The following FLRT2 variants were observed in gnomAD, a reference collection of about 807,000 sequenced individuals.
FLRT2 encodes the protein fibronectin leucine rich transmembrane protein 2, also known as leucine-rich repeat transmembrane protein FLRT2.
FLRT2 carries 15 observed loss-of-function variants against 40.0 expected under a neutral mutation model. The ratio of observed to expected loss-of-function variants is 0.38; its 90% CI spans 0.25 to 0.58. The LOEUF (loss-of-function observed/expected upper bound fraction) is 0.58, where lower values mean the gene tolerates loss of function less well. Ranked by LOEUF, FLRT2 falls within the 20% of genes least tolerant of loss-of-function variation. FLRT2 has a pLI of 0.71. For synonymous variants in FLRT2, 380 were observed against 336.8 expected, an observed-to-expected ratio of 1.13 and a Z score of -1.41; for missense variants, 726 against 840.0, an observed-to-expected ratio of 0.86 and a Z score of 1.68.
At chr14:85,592,919 A>G (rs142461205) in intron 1 of FLRT2, among the ~76,000 whole-genome samples, 61 of 152,222 alleles carry the variant, frequency 4.0e-4, no homozygotes, top group Admixed American at 1.6e-3. Context: ...TGTTGGCTCC[A>G]TGTGCACAGG....
At chr14:85,530,619 AT>A (rs5810256) in intron 1 of FLRT2, 85 bp downstream of exon 1, 73,827 of 148,866 alleles carry the variant, frequency 0.5, 18,377 homozygotes, top group Non-Finnish European at 0.53. Flanking sequence ...TCTTCGGGGG[AT>A]TTTTTTTTTT....
At chr14:85,597,480 A>G (rs1377007449) in intron 1 of FLRT2, among the ~76,000 whole-genome samples, 2 of 152,098 alleles carry the variant, frequency 1.3e-5, no homozygotes, top group Admixed American at 6.6e-5. Flanking sequence ...AAAGTCTGTG[A>G]GCTTATTTTT....
intron 1 of FLRT2, among the ~76,000 whole-genome samples, chr14:85,612,447 C>A (rs1343937922): frequency 2.6e-5 from 4 of 152,154 alleles, no homozygotes; most frequent in Non-Finnish European, 5.9e-5. Context: ...GAGTATTGTG[C>A]AACCACAGTG....
intron 1 of FLRT2, among the ~76,000 whole-genome samples, chr14:85,539,756 A>G (rs1337872369): frequency 1.3e-5 from 2 of 152,198 alleles, no homozygotes; most frequent in East Asian, 1.9e-4. Context: ...CAAATTGATA[A>G]CATTTATCAC....
chr14:85,622,915 G>A lies in FLRT2; in HGVS notation c.1401G>A (p.Gln467=), dbSNP rs748311139. The change falls in exon 2 of 2, where the codon CAG becomes CAA. Residue 467 remains glutamine, a synonymous_variant. Coordinates refer to ENST00000330753, the MANE Select transcript of FLRT2 (RefSeq NM_013231.6). The part of the protein sequence containing the change: ...MGHSLVGGIV[Q]ERIVSGEKQH... ...ACAGTTTAGTAGGGGGCATCGTTCA[G>A]GAGCGCATAGTCAGCGGTGAGAAGC... The A allele has an allele frequency of 6.2e-7, 1 of 1,614,224 alleles. No individual in the cohort carries two copies. Among genetic ancestry groups the A allele is most frequent in the South Asian group, 1.1e-5 (1 of 91,090 alleles).
At chr14:85,595,866 A>G (rs1566746450) in intron 1 of FLRT2, among the ~76,000 whole-genome samples, 1 of 152,146 alleles carries the variant, frequency 6.6e-6, no homozygotes, top group African/African-American at 2.4e-5. Flanking sequence ...CTTCACATAT[A>G]TATTTTCTTG....
chr14:85,568,259 C>T (rs1488310300), intron 1 of FLRT2, among the ~76,000 whole-genome samples: 2 of 151,876 alleles, frequency 1.3e-5, no homozygotes, highest in Non-Finnish European at 2.9e-5. Context: ...GGAGGCAGAG[C>T]GCATAGTTTT....
At chr14:85,547,325 CTTTT>C (rs57883277) in intron 1 of FLRT2, among the ~76,000 whole-genome samples, 9 of 139,288 alleles carry the variant, frequency 6.5e-5, no homozygotes, top group Admixed American at 7.2e-5. Flanking sequence ...TTCTTTCTTT[CTTTT>C]TTTTTTTTTT....
intron 1 of FLRT2, among the ~76,000 whole-genome samples, chr14:85,537,866 G>A (rs1448299193): frequency 7.0e-6 from 1 of 142,542 alleles, no homozygotes; most frequent in Non-Finnish European, 1.5e-5. Flanking sequence ...TTCTTCCTTA[G>A]CGAATTTCAC....
chr14:85,645,440 G>A lies in FLRT2; in HGVS notation c.*21943G>A, dbSNP rs1594979729. The A allele has an allele frequency of 1.3e-5, 2 of 152,076 alleles. No individual in the cohort carries two copies. Among genetic ancestry groups the A allele is most frequent in the Non-Finnish European group, 2.9e-5 (2 of 68,000 alleles). 9.4% of individuals were successfully genotyped at this position (152,076 alleles called of 1,614,324 possible). The stretch of plus-strand genomic sequence containing the variant: ...GGCACTTTTTCTTCAACCCATACCT[G>A]CTTCTCAGAGAAACTATAGAGAAGA... On this transcript the variant is annotated 3_prime_UTR_variant, in exon 2 of 2. Coordinates refer to ENST00000330753, the MANE Select transcript of FLRT2 (RefSeq NM_013231.6).
At chr14:85,550,435 A>T (rs765211848) in intron 1 of FLRT2, among the ~76,000 whole-genome samples, 4 of 152,226 alleles carry the variant, frequency 2.6e-5, no homozygotes, top group Non-Finnish European at 4.4e-5. Context: ...TTCACTGTAG[A>T]CCACATTGTG....
chr14:85,571,418 T>G (rs1890887798), intron 1 of FLRT2, among the ~76,000 whole-genome samples: 1 of 152,168 alleles, frequency 6.6e-6, no homozygotes, highest in Non-Finnish European at 1.5e-5. Context: ...ATTGGCAGCA[T>G]GAAGAGTGTA....
At chr14:85,613,026 A>C (rs1030344921) in intron 1 of FLRT2, among the ~76,000 whole-genome samples, 2 of 152,124 alleles carry the variant, frequency 1.3e-5, no homozygotes, top group African/African-American at 4.8e-5. Context: ...TTTTTTCATA[A>C]GCTTTTTTAT....
rs903039749 is a variant in FLRT2 at position 85,637,674 on chromosome 14, T to C, written c.*14177T>C. ...CCTTCTCATGTGATCAGGAGTGATG[T>C]AGCTTTGAGGGTGGACCCACCATTC... is the stretch of plus-strand genomic sequence containing the variant. On this transcript the variant is annotated 3_prime_UTR_variant, in exon 2 of 2. Coordinates refer to ENST00000330753, the MANE Select transcript of FLRT2 (RefSeq NM_013231.6). 1.2e-4 allele frequency: 18 copies of C among 152,234 alleles called. No homozygotes were observed. The highest frequency in any genetic ancestry group is 4.1e-4 in the African/African-American group (17 of 41,472). The allele number at this position is 152,234 out of a possible 1,614,324, so 9.4% of individuals were successfully genotyped here. A position where few individuals can be genotyped will look rare whatever the true frequency, so the allele number is the denominator to read the frequency against.
intron 1 of FLRT2, among the ~76,000 whole-genome samples, chr14:85,541,787 G>A (rs115321687): frequency 0.014 from 2,160 of 152,162 alleles, 52 homozygotes; most frequent in African/African-American, 0.048. Context: ...AGCCTTTGTG[G>A]CAATTAATGG....
In FLRT2 at chr14:85,645,435, T is replaced by A. The variant is rs970169397; in HGVS notation, c.*21938T>A. On this transcript the variant is annotated 3_prime_UTR_variant, in exon 2 of 2. Coordinates refer to ENST00000330753, the MANE Select transcript of FLRT2 (RefSeq NM_013231.6). ...TAATTGGCACTTTTTCTTCAACCCA[T>A]ACCTGCTTCTCAGAGAAACTATAGA... is the stretch of plus-strand genomic sequence containing the variant. The A allele has an allele frequency of 3.3e-5, 5 of 152,062 alleles. No homozygotes were observed. Among genetic ancestry groups the A allele is most frequent in the Non-Finnish European group, 7.4e-5 (5 of 68,002 alleles). 9.4% of individuals were successfully genotyped at this position (152,062 alleles called of 1,614,324 possible).
At chr14:85,609,754 G>A (rs867742570) in intron 1 of FLRT2, among the ~76,000 whole-genome samples, 1 of 152,198 alleles carries the variant, frequency 6.6e-6, no homozygotes, top group African/African-American at 2.4e-5. Context: ...TCTATTCTCA[G>A]GTGAGACAGG....
At position 85,635,500 on chromosome 14, in the gene FLRT2, G is replaced by A. The variant is rs116391920; in HGVS notation, c.*12003G>A. Reference sequence around the variant, plus strand: ...GATAGAGTGTCGTACAATAAAAATTGTATAAAAAATTGTTTATTAAAATAT... The same window carrying A: ...GATAGAGTGTCGTACAATAAAAATTATATAAAAAATTGTTTATTAAAATAT... On this transcript the variant is annotated 3_prime_UTR_variant, in exon 2 of 2. Transcript: ENST00000330753. 1 of 151,896 alleles carries A rather than the reference G, an allele frequency of 6.6e-6. No homozygotes were observed. Among genetic ancestry groups the A allele is most frequent in the East Asian group, 1.9e-4 (1 of 5,178 alleles). 9.4% of individuals were successfully genotyped at this position (151,896 alleles called of 1,614,324 possible).
Position 85,634,876 on chromosome 14 carries a change from G to A in FLRT2, c.*11379G>A, listed in dbSNP as rs557837568. The A allele has an allele frequency of 2.0e-5, 3 of 152,192 alleles. No homozygotes were observed. In the South Asian group the frequency reaches 6.2e-4, roughly 32 times the overall value. 9.4% of individuals were successfully genotyped at this position (152,192 alleles called of 1,614,324 possible). A position where few individuals can be genotyped will look rare whatever the true frequency, so the allele number is the denominator to read the frequency against. On this transcript the variant is annotated 3_prime_UTR_variant, in exon 2 of 2. Coordinates refer to ENST00000330753, the MANE Select transcript of FLRT2 (RefSeq NM_013231.6). ...TTCTCTCTCGGGCTTGTTTCTTATA[G>A]TCAAAAGCGCAGGAATTTAGTTGAT...
Sources: gnomAD v4.1 joint callset for allele counts (sites outside exome capture counted in the v4.1 genomes callset) on GRCh38, gnomAD v4.1.1 for gene constraint, MANE v1.5 for transcripts, NCBI Gene and HGNC (gene_info 2026-07-23, HGNC 2026-07-21) for gene names.